Variants in SNRNP40 observed in about 807,000 individuals in gnomAD.
SNRNP40 encodes small nuclear ribonucleoprotein U5 subunit 40, also known as U5 small nuclear ribonucleoprotein 40 kDa protein.
In SNRNP40, 21 loss-of-function variants were observed where a neutral mutation model predicts 45.8. The ratio of observed to expected loss-of-function variants is 0.46; its 90% CI spans 0.32 to 0.66. The LOEUF is 0.66. Among genes scored for constraint, SNRNP40 ranks in the 30% least tolerant of loss-of-function variants. The pLI is 0.03. For synonymous variants in SNRNP40, 142 were observed against 163.8 expected, an observed-to-expected ratio of 0.87 and a Z score of 1.01; for missense variants, 344 against 439.1, an observed-to-expected ratio of 0.78 and a Z score of 1.94.
chr1:31,284,156 G>C (rs557940064), intron 4 of SNRNP40, among the ~76,000 whole-genome samples: 20 of 152,252 alleles, frequency 1.3e-4, no homozygotes, highest in African/African-American at 4.8e-4. Flanking sequence ...CAGAGAGGTT[G>C]AGGCTGCAGT....
intron 5 of SNRNP40, among the ~76,000 whole-genome samples, chr1:31,280,155 C>A (rs1378234114): frequency 1.4e-5 from 2 of 141,594 alleles, no homozygotes; most frequent in African/African-American, 2.6e-5. Context: ...TAGACAAAAG[C>A]AAGGATATTC....
At chr1:31,271,351 C>T (rs771901562) in intron 6 of SNRNP40, 28 bp downstream of exon 6, 2 of 1,598,594 alleles carry the variant, frequency 1.3e-6, no homozygotes, top group Non-Finnish European at 1.7e-6. Flanking sequence ...TCCTTGGATC[C>T]TGGGAGAGAT....
At chr1:31,287,653 C>A (rs1466386492) in intron 4 of SNRNP40, among the ~76,000 whole-genome samples, 1 of 152,162 alleles carries the variant, frequency 6.6e-6, no homozygotes, top group East Asian at 1.9e-4. Context: ...ACTCTCCTCC[C>A]ATCCAACCAT....
chr1:31,296,319 T>TA (rs1051832219), intron 1 of SNRNP40, among the ~76,000 whole-genome samples: 2 of 152,224 alleles, frequency 1.3e-5, no homozygotes, highest in African/African-American at 4.8e-5. Flanking sequence ...AGATCCATGT[T>TA]AGAGTCAGGA....
intron 8 of SNRNP40, among the ~76,000 whole-genome samples, chr1:31,265,496 G>A (rs1414614453): frequency 6.6e-6 from 1 of 152,024 alleles, no homozygotes; most frequent in Admixed American, 6.6e-5. Flanking sequence ...AAGGGCCAAT[G>A]CCAGAAACAA....
At chr1:31,274,247 T>C (rs747635040) in intron 5 of SNRNP40, among the ~76,000 whole-genome samples, 1 of 151,740 alleles carries the variant, frequency 6.6e-6, no homozygotes, top group Non-Finnish European at 1.5e-5. Context: ...ATTGATTAAC[T>C]GATTGATTGA....
chr1:31,296,745 C>T lies in SNRNP40; in HGVS notation c.7G>A (p.Glu3Lys), dbSNP rs766971883. 1.9e-6 allele frequency: 3 copies of T among 1,603,102 alleles called. No individual in the cohort carries two copies. The African/African-American group carries it at 4.0e-5, about 22-fold the overall frequency. ...TCTGGGCCCTTACGCTTCTGCTGTT[C>T]TATCATGGCGGCAACCGGTCTCTTC... MI[E>K]QQKRKGPELP... Residue 3 changes from glutamate (E) to lysine (K), a missense_variant, in exon 1 of 10, where the codon GAA (glutamate) becomes AAA (lysine). Glu to Lys is a moderately conservative substitution (Grantham distance 56). Coordinates refer to ENST00000263694, the MANE Select transcript of SNRNP40 (RefSeq NM_004814.3).
chr1:31,293,707 G>C (rs1325638957), intron 1 of SNRNP40, among the ~76,000 whole-genome samples: 1 of 152,094 alleles, frequency 6.6e-6, no homozygotes, highest in Non-Finnish European at 1.5e-5. Flanking sequence ...TCAGCCTCCT[G>C]AGTAGCCAGG....
chr1:31,282,872 C>T (rs1332397762), intron 4 of SNRNP40, among the ~76,000 whole-genome samples: 4 of 152,032 alleles, frequency 2.6e-5, no homozygotes, highest in African/African-American at 7.2e-5. Flanking sequence ...GACAGGGTTT[C>T]GCCACGTTGA....
intron 4 of SNRNP40, among the ~76,000 whole-genome samples, chr1:31,288,144 T>C (rs75848464): frequency 0.049 from 7,294 of 150,178 alleles, 381 homozygotes; most frequent in East Asian, 0.21. Context: ...GCCTGGGCGA[T>C]AGAGCAAGAC....
chr1:31,265,057 G>A (rs1445470782), intron 8 of SNRNP40, among the ~76,000 whole-genome samples: 1 of 152,148 alleles, frequency 6.6e-6, no homozygotes, highest in Non-Finnish European at 1.5e-5. Context: ...GAGGTGGCCT[G>A]TCAAATCTTG....
chr1:31,261,426 T>A, intron 9 of SNRNP40, 103 bp downstream of exon 9: 1 of 720,156 alleles, frequency 1.4e-6, no homozygotes, highest in Non-Finnish European at 2.4e-6. Context: ...GCTGTTTGCA[T>A]GGAAATTCGT....
At chr1:31,272,430 T>A (rs1209327831) in intron 5 of SNRNP40, among the ~76,000 whole-genome samples, 2 of 152,216 alleles carry the variant, frequency 1.3e-5, no homozygotes, top group African/African-American at 4.8e-5. Flanking sequence ...TTATGGTTCA[T>A]AAGCACATTG....
At chr1:31,290,853 G>C (rs1646100941) in intron 3 of SNRNP40, among the ~76,000 whole-genome samples, 1 of 151,712 alleles carries the variant, frequency 6.6e-6, no homozygotes, top group African/African-American at 2.4e-5. Context: ...ACTCCAGACT[G>C]GGCGACAGAG....
intron 4 of SNRNP40, among the ~76,000 whole-genome samples, chr1:31,285,283 G>A (rs1455185851): frequency 7.3e-6 from 1 of 136,808 alleles, no homozygotes; most frequent in Admixed American, 8.1e-5. Flanking sequence ...TCTGTCTGTT[G>A]CTCATTCTGG....
In SNRNP40 at chr1:31,296,715, G is replaced by A. The variant is rs1397263026; in HGVS notation, c.37C>T (p.Pro13Ser). 1 of 1,613,466 alleles carries A rather than the reference G, an allele frequency of 6.2e-7. No homozygotes were observed. The highest frequency in any genetic ancestry group is 1.7e-5 in the Admixed American group (1 of 59,940). ...CGCTGCCGCTTGACTGGAACCAGCG[G>A]CAACTCTGGGCCCTTACGCTTCTGC... is the stretch of plus-strand genomic sequence containing the variant. ...EQQKRKGPEL[P>S]LVPVKRQRHE... Residue 13 changes from proline (P) to serine (S), a missense_variant, in exon 1 of 10, where the codon CCG (proline) becomes TCG (serine). This residue lies in a region of SNRNP40 where 90 missense variants were observed against 58.9 expected (regional missense o/e 1.53). Transcript: ENST00000263694.
chr1:31,271,652 AT>A (rs1645939237), intron 5 of SNRNP40, among the ~76,000 whole-genome samples, 153 bp from the exon 6 acceptor site: 1 of 81,408 alleles, frequency 1.2e-5, no homozygotes, highest in Non-Finnish European at 2.6e-5. Context: ...CCTTTTTTTA[AT>A]TTTCATTTTT....
chr1:31,273,794 C>T (rs149422890), intron 5 of SNRNP40, among the ~76,000 whole-genome samples: 70 of 151,938 alleles, frequency 4.6e-4, no homozygotes, highest in African/African-American at 1.7e-3. Context: ...TTCAGTATAA[C>T]AAGGAAAACT....
chr1:31,275,397 A>AT (rs202236065), intron 5 of SNRNP40, among the ~76,000 whole-genome samples: 27 of 148,722 alleles, frequency 1.8e-4, no homozygotes, highest in South Asian at 8.7e-4. Context: ...ACAACAGGGT[A>AT]TTTTTTTTTC....
Sources: gnomAD v4.1 joint callset for allele counts (sites outside exome capture counted in the v4.1 genomes callset) on GRCh38, gnomAD v4.1.1 for gene constraint, gnomAD v4.1.1 regional missense constraint, MANE v1.5 for transcripts, NCBI Gene and HGNC (gene_info 2026-07-23, HGNC 2026-07-21) for gene names.